MBD1: variants seen among roughly 807,000 people sequenced by gnomAD.
The protein encoded by MBD1 is methyl-CpG-binding domain protein 1.
In MBD1, 25 loss-of-function variants were observed where a neutral mutation model predicts 82.6. The ratio of observed to expected loss-of-function variants is 0.30; its 90% confidence interval spans 0.22 to 0.42. The LOEUF (loss-of-function observed/expected upper bound fraction) is 0.42. Among genes scored for constraint, MBD1 ranks in the 10% least tolerant of loss-of-function variants. The probability of loss-of-function intolerance (pLI) is 1.00; values close to 1 mark genes in which losing one functional copy is unlikely to be tolerated. For missense variants in MBD1, 627 were observed against 819.6 expected (o/e 0.76, Z 2.87); for synonymous variants, 301 against 303.7 (o/e 0.99, Z 0.09).
chr18:50,280,293 A>G (rs906295477), intron 1 of MBD1, among the ~76,000 whole-genome samples: 5 of 151,634 alleles, frequency 3.3e-5, no homozygotes, highest in Non-Finnish European at 7.4e-5. Flanking sequence ...CAGACTGACA[A>G]CCCATCATTT....
upstream of MBD1, chr18:50,281,535 T>A (rs111396870): frequency 1.4e-5 from 8 of 575,894 alleles, no homozygotes; most frequent in East Asian, 2.9e-5. Context: ...GAACCGGAAG[T>A]CCGCTGCCTG....
At chr18:50,279,496 C>T (rs1011980924) in intron 2 of MBD1, among the ~76,000 whole-genome samples, 3 of 152,172 alleles carry the variant, frequency 2.0e-5, no homozygotes, top group African/African-American at 7.2e-5. Flanking sequence ...CAGCACTATG[C>T]TTGGGGACCA....
At chr18:50,278,819 T>C (rs537350461) in intron 2 of MBD1, among the ~76,000 whole-genome samples, 6 of 152,362 alleles carry the variant, frequency 3.9e-5, no homozygotes, top group African/African-American at 1.4e-4. Context: ...TTTGTGTGTG[T>C]TTCTGTTTAA....
chr18:50,271,493 C>G lies in MBD1; in HGVS notation c.*8G>C. On this transcript the variant is annotated 3_prime_UTR_variant, in exon 16 of 17. Coordinates refer to ENST00000269468, the MANE Select transcript of MBD1 (RefSeq NM_015846.4). Reference sequence around the variant, plus strand: ...CCTTGAATCCTACAGTCTGTAGAAGCCTCCAGTCTACTGCTTTCTAGCTCC... The same window carrying G: ...CCTTGAATCCTACAGTCTGTAGAAGGCTCCAGTCTACTGCTTTCTAGCTCC... 6.2e-7 allele frequency: 1 copy of G among 1,614,106 alleles called. No homozygotes were observed. Among genetic ancestry groups the G allele is most frequent in the Non-Finnish European group, 8.5e-7 (1 of 1,179,988 alleles).
At position 50,269,527 on chromosome 18, in the gene MBD1, G is replaced by A. The variant is rs1302361529; in HGVS notation, c.*324C>T. 2.8e-6 allele frequency: 2 copies of A among 717,352 alleles called. No homozygotes were observed. Among genetic ancestry groups the A allele is most frequent in the African/African-American group, 1.7e-5 (1 of 57,222 alleles). 44.4% of individuals were successfully genotyped at this position (717,352 alleles called of 1,614,324 possible). A position where few individuals can be genotyped will look rare whatever the true frequency, so the allele number is the denominator to read the frequency against. ...TGCCATGTATCTGCTAGATCACCTC[G>A]TTGGTGTGGGCAGTAGTCAGGCCTG... On this transcript the variant is annotated 3_prime_UTR_variant, in exon 17 of 17. Transcript: ENST00000269468.
chr18:50,273,590 C>T lies in MBD1; in HGVS notation c.1420G>A (p.Ala474Thr), dbSNP rs982217875. The T allele has an allele frequency of 4.3e-6, 7 of 1,612,960 alleles. No homozygotes were observed. Among genetic ancestry groups the T allele is most frequent in the Non-Finnish European group, 5.9e-6 (7 of 1,180,004 alleles). ...SSPVQVPGPV[A>T]ASTEALLQEA... ...TGCAACAGGGCTTCTGTGGAAGCTG[C>T]AACAGGGCCCGGCACCTGCACAGGA... Residue 474 changes from alanine to threonine, a missense_variant, in exon 12 of 17, where the codon GCA becomes ACA. Ala to Thr is a moderately conservative substitution (Grantham distance 58). Transcript: ENST00000269468.
chr18:50,272,455 C>A, intron 15 of MBD1: 1 of 601,666 alleles, frequency 1.7e-6, no homozygotes, highest in Non-Finnish European at 3.0e-6. Flanking sequence ...CTTTCCCCTA[C>A]CCCCAAAGGA....
chr18:50,281,322 C>T, intron 1 of MBD1, 41 bp downstream of exon 1: 1 of 1,170,326 alleles, frequency 8.5e-7, no homozygotes, highest in Non-Finnish European at 1.2e-6. Context: ...TCCCATCCTC[C>T]GCCTGAGCGC....
chr18:50,274,792 T>C (rs1382538938), intron 10 of MBD1, among the ~76,000 whole-genome samples, 185 bp downstream of exon 10: 2 of 152,226 alleles, frequency 1.3e-5, no homozygotes, highest in East Asian at 3.8e-4. Flanking sequence ...TTGGTATATG[T>C]GACATGAAGC....
At chr18:50,280,061 AGGGACAACACTGT>A in intron 1 of MBD1, 44 bp from the exon 2 acceptor site, 1 of 1,551,248 alleles carries the variant, frequency 6.4e-7, no homozygotes, top group South Asian at 1.2e-5. Context: ...GGCTCTAGGA[AGGGACAACACTGT>A]GCCCCAGGCC....
chr18:50,273,421 C>T lies in MBD1; in HGVS notation c.1497G>A (p.Lys499=). 6.2e-7 allele frequency: 1 copy of T among 1,614,222 alleles called. No individual in the cohort carries two copies. Among genetic ancestry groups the T allele is most frequent in the Non-Finnish European group, 8.5e-7 (1 of 1,180,052 alleles). The change falls in exon 13 of 17, where the codon AAG becomes AAA. Residue 499 remains lysine, a synonymous_variant. Coordinates refer to ENST00000269468, the MANE Select transcript of MBD1 (RefSeq NM_015846.4). ...CGTCCTGGGTATCCGCCTTCTCTTG[C>T]TTCACCTGGGGTAAGGCCACAACCC... The part of the protein sequence containing the change: ...LSWVVALPQV[K]QEKADTQDEW...
intron 10 of MBD1, 129 bp downstream of exon 10, chr18:50,274,848 T>C: frequency 1.1e-6 from 1 of 927,752 alleles, no homozygotes; most frequent in Non-Finnish European, 1.7e-6. Context: ...CATTATCTAC[T>C]CATCCCATCC....
downstream of MBD1, chr18:50,268,788 G>A (rs2034349619): frequency 2.5e-6 from 1 of 405,074 alleles, no homozygotes; most frequent in South Asian, 1.0e-4. Context: ...CAGTTTCTCA[G>A]AGGCAGTCAA....
downstream of MBD1, chr18:50,267,524 G>T: frequency 9.3e-7 from 1 of 1,073,782 alleles, no homozygotes; most frequent in Non-Finnish European, 1.4e-6. Flanking sequence ...GGGTCAGGAT[G>T]TGGATCAGAA....
rs2037171670 is a variant in MBD1 at position 50,274,977 on chromosome 18, T to A, written c.978A>T (p.Leu326=). ...ATCCAGGTAGGGTGGGGCCACTCAC[T>A]AGCTCGTCCTCGTCTACACAGTAAT... is the stretch of plus-strand genomic sequence containing the variant. ...FIYYCVDEDE[L]QPYTNRRQNR... Residue 326 remains leucine, a splice_region_variant and synonymous_variant, in exon 10 of 17, where the codon CTA becomes CTT. Coordinates refer to ENST00000269468, the MANE Select transcript of MBD1 (RefSeq NM_015846.4). 1.2e-6 allele frequency: 2 copies of A among 1,609,896 alleles called. No individual in the cohort carries two copies. The highest frequency in any genetic ancestry group is 2.7e-5 in the African/African-American group (2 of 73,534).
At position 50,274,982 on chromosome 18, in the gene MBD1, C is replaced by T. The variant is rs1321409301; in HGVS notation, c.973G>A (p.Glu325Lys). 7 of 1,614,022 alleles carry T rather than the reference C, an allele frequency of 4.3e-6. No homozygotes were observed. Among genetic ancestry groups the T allele is most frequent in the Non-Finnish European group, 5.1e-6 (6 of 1,180,028 alleles). ...GGTAGGGTGGGGCCACTCACTAGCT[C>T]GTCCTCGTCTACACAGTAATAGATG... ...EFIYYCVDEDELQPYTNRRQN... is the reference protein window; with the variant it reads ...EFIYYCVDEDKLQPYTNRRQN... The change falls in exon 10 of 17, where the codon GAG (glutamate) becomes AAG (lysine). Residue 325 changes from glutamate to lysine, a missense_variant. This residue lies in a region of MBD1 where 228 missense variants were observed against 318.1 expected (regional missense o/e 0.72). Transcript: ENST00000269468.
Position 50,269,586 on chromosome 18 carries a change from G to C in MBD1, c.*265C>G. ...CCTGCAGCTGCTCCACCTTCCCCAG[G>C]ATCATCCTTTCAGCTTCTCTAATTC... On this transcript the variant is annotated 3_prime_UTR_variant, in exon 17 of 17. Coordinates refer to ENST00000269468, the MANE Select transcript of MBD1 (RefSeq NM_015846.4). 1.4e-6 allele frequency: 1 copy of C among 718,788 alleles called. No individual in the cohort carries two copies. Among genetic ancestry groups the C allele is most frequent in the Non-Finnish European group, 2.6e-6 (1 of 385,222 alleles). 44.5% of individuals were successfully genotyped at this position (718,788 alleles called of 1,614,324 possible).
downstream of MBD1, among the ~76,000 whole-genome samples, chr18:50,268,152 C>A (rs2034150847): frequency 1.3e-5 from 2 of 152,344 alleles, no homozygotes; most frequent in African/African-American, 4.8e-5. Context: ...CGGGCCCGCC[C>A]GTCGGTCCGG....
intron 1 of MBD1, among the ~76,000 whole-genome samples, chr18:50,280,826 T>C (rs2039955797): frequency 6.6e-6 from 1 of 151,848 alleles, no homozygotes; most frequent in Non-Finnish European, 1.5e-5. Flanking sequence ...CATCCTCCAT[T>C]CCTCCCTTAT....
Sources: allele counts gnomAD v4.1 joint callset (sites outside exome capture counted in the v4.1 genomes callset), GRCh38; gene constraint gnomAD v4.1.1; regional missense constraint gnomAD v4.1.1; transcripts MANE v1.5; gene names NCBI Gene and HGNC (gene_info 2026-07-23, HGNC 2026-07-21).